NEO1: variants seen among roughly 807,000 people sequenced by gnomAD.
NEO1 encodes the protein neogenin.
In NEO1, 63 loss-of-function variants were observed where a neutral mutation model predicts 159.7. The ratio of observed to expected loss-of-function variants is 0.39; its 90% confidence interval spans 0.32 to 0.49. NEO1 has a LOEUF of 0.49. NEO1 is among the 20% of genes least tolerant of loss of function. The pLI, the probability that NEO1 is intolerant of heterozygous loss-of-function variation, is 0.85. For synonymous variants in NEO1, 633 were observed against 662.0 expected, an observed-to-expected ratio of 0.96 and a Z score of 0.67; for missense variants, 1,615 against 1,831.0, an observed-to-expected ratio of 0.88 and a Z score of 2.15.
intron 5 of NEO1, among the ~76,000 whole-genome samples, chr15:73,144,108 T>A (rs1396788166): frequency 6.6e-6 from 1 of 152,246 alleles, no homozygotes; most frequent in African/African-American, 2.4e-5. Context: ...TCCTTTGCAC[T>A]TTGTTTTTCA....
At chr15:73,187,040 G>A (rs941089147) in intron 7 of NEO1, among the ~76,000 whole-genome samples, 4 of 152,070 alleles carry the variant, frequency 2.6e-5, no homozygotes, top group South Asian at 2.1e-4. Flanking sequence ...AGTGTAGTCC[G>A]ATGTGTAGGG....
intron 5 of NEO1, chr15:73,162,102 G>T: frequency 4.6e-6 from 1 of 217,366 alleles, no homozygotes; most frequent in Non-Finnish European, 9.6e-6. Context: ...GCTTATTCTT[G>T]TCTCCTCTTC....
chr15:73,283,347 G>T (rs542673055), intron 23 of NEO1, among the ~76,000 whole-genome samples: 1 of 152,236 alleles, frequency 6.6e-6, no homozygotes, highest in Non-Finnish European at 1.5e-5. Context: ...CATAGGTGGG[G>T]TTAGGGCAAA....
intron 22 of NEO1, among the ~76,000 whole-genome samples, chr15:73,279,357 T>TG (rs2041581485): frequency 1.4e-5 from 2 of 141,486 alleles, no homozygotes; most frequent in African/African-American, 5.0e-5. Context: ...TTTGGTTTTT[T>TG]TTTTTTTTTG....
At chr15:73,087,018 A>G (rs985712607) in intron 1 of NEO1, among the ~76,000 whole-genome samples, 4 of 152,144 alleles carry the variant, frequency 2.6e-5, no homozygotes, top group Admixed American at 2.0e-4. Flanking sequence ...TTGCCTTATT[A>G]CACTGGATAG....
intron 1 of NEO1, among the ~76,000 whole-genome samples, chr15:73,083,335 G>A (rs367844655): frequency 6.6e-6 from 1 of 152,046 alleles, no homozygotes; most frequent in South Asian, 2.1e-4. Flanking sequence ...GACAAGACTT[G>A]GTGATTGAAT....
intron 7 of NEO1, among the ~76,000 whole-genome samples, chr15:73,201,899 A>G (rs188815197): frequency 2.0e-5 from 3 of 151,656 alleles, no homozygotes; most frequent in Non-Finnish European, 4.4e-5. Context: ...CAATATAACA[A>G]TGTAATAAAG....
intron 7 of NEO1, among the ~76,000 whole-genome samples, chr15:73,230,631 C>T (rs2038856155): frequency 6.6e-6 from 1 of 152,142 alleles, no homozygotes; most frequent in Non-Finnish European, 1.5e-5. Context: ...CTCACAATCA[C>T]CCAGGCTGGA....
chr15:73,242,702 CTATT>C (rs1435132892), intron 8 of NEO1, among the ~76,000 whole-genome samples: 1 of 152,014 alleles, frequency 6.6e-6, no homozygotes, highest in Non-Finnish European at 1.5e-5. Context: ...TTAAGAGAAA[CTATT>C]TATTGTACAT....
At chr15:73,145,596 A>G (rs573582822) in intron 5 of NEO1, among the ~76,000 whole-genome samples, 1 of 152,312 alleles carries the variant, frequency 6.6e-6, no homozygotes, top group African/African-American at 2.4e-5. Flanking sequence ...AATGCTTCCT[A>G]CAAAAATCAT....
At chr15:73,129,330 A>AT (rs1005074303) in intron 4 of NEO1, among the ~76,000 whole-genome samples, 11 of 152,232 alleles carry the variant, frequency 7.2e-5, no homozygotes, top group African/African-American at 2.7e-4. Context: ...TAGACCCAAA[A>AT]TTAGAAAGAG....
intron 7 of NEO1, among the ~76,000 whole-genome samples, chr15:73,231,063 AATT>A (rs1268813378): frequency 5.3e-5 from 8 of 152,260 alleles, no homozygotes; most frequent in African/African-American, 1.7e-4. Flanking sequence ...ATGCATTTAT[AATT>A]ATTATATTCA....
At chr15:73,217,828 T>A (rs2037987798) in intron 7 of NEO1, among the ~76,000 whole-genome samples, 1 of 152,218 alleles carries the variant, frequency 6.6e-6, no homozygotes, top group Non-Finnish European at 1.5e-5. Context: ...GATTTTGGGT[T>A]GAGACAATGG....
intron 7 of NEO1, among the ~76,000 whole-genome samples, chr15:73,202,083 C>T (rs960662802): frequency 7.9e-5 from 12 of 151,506 alleles, no homozygotes; most frequent in Non-Finnish European, 1.5e-5. Flanking sequence ...CCTGCCTCAG[C>T]CTCCCGAGTA....
At chr15:73,132,199 A>G (rs1438622128) in intron 4 of NEO1, among the ~76,000 whole-genome samples, 1 of 152,208 alleles carries the variant, frequency 6.6e-6, no homozygotes, top group Non-Finnish European at 1.5e-5. Context: ...GAATGAGTAA[A>G]TCTCTCTCCT....
rs2042709830 is a variant in NEO1 at position 73,304,150 on chromosome 15, AGAAT to A, written c.*1458_*1461del. 1 of 150,042 alleles carries A rather than the reference AGAAT, an allele frequency of 6.7e-6. No individual in the cohort carries two copies. 9.3% of individuals were successfully genotyped at this position (150,042 alleles called of 1,614,324 possible). ...CCAGCAGCTCAGCTAAGCCCTGATGAGAATGAAGCCACAGGAGTTGTCTGAGGTG... is the reference window on the plus strand; with the variant it reads ...CCAGCAGCTCAGCTAAGCCCTGATGAGAAGCCACAGGAGTTGTCTGAGGTG... On this transcript the variant is annotated 3_prime_UTR_variant, in exon 29 of 29. Coordinates refer to ENST00000261908, the MANE Select transcript of NEO1 (RefSeq NM_002499.4).
intron 23 of NEO1, among the ~76,000 whole-genome samples, chr15:73,287,658 A>G (rs1458675106): frequency 6.6e-6 from 1 of 152,198 alleles, no homozygotes; most frequent in Non-Finnish European, 1.5e-5. Flanking sequence ...AAGGCGGCAG[A>G]TCACCTGAGT....
At chr15:73,235,391 C>T (rs1302803101) in intron 7 of NEO1, among the ~76,000 whole-genome samples, 1 of 152,178 alleles carries the variant, frequency 6.6e-6, no homozygotes, top group Non-Finnish European at 1.5e-5. Flanking sequence ...GAATAAAATT[C>T]TACTATCAGG....
chr15:73,266,473 G>A, intron 16 of NEO1, 62 bp downstream of exon 16: 2 of 1,285,456 alleles, frequency 1.6e-6, no homozygotes, highest in Non-Finnish European at 1.1e-6. Flanking sequence ...CAGAATATTG[G>A]CATGAGGCCT....
Sources: allele counts gnomAD v4.1 joint callset (sites outside exome capture counted in the v4.1 genomes callset), GRCh38; gene constraint gnomAD v4.1.1; transcripts MANE v1.5; gene names NCBI Gene and HGNC (gene_info 2026-07-23, HGNC 2026-07-21).